The following AOPEP variants were observed in gnomAD, a reference collection of about 807,000 sequenced individuals.
The protein encoded by AOPEP is aminopeptidase O.
Under a neutral mutation model 98.1 loss-of-function variants are expected in AOPEP, and 77 were observed. The ratio of observed to expected loss-of-function variants is 0.78; its 90% CI spans 0.65 to 0.95. AOPEP has a LOEUF of 0.95. AOPEP is among the 40% of genes least tolerant of loss of function. AOPEP has a pLI of 0.00. For synonymous variants in AOPEP, 346 were observed against 365.3 expected (o/e 0.95, Z 0.60); for missense variants, 1,024 against 1,024.7 (o/e 1.00, Z 0.01).
chr9:95,059,997 T>C (rs988047646), intron 13 of AOPEP, among the ~76,000 whole-genome samples: 1 of 152,224 alleles, frequency 6.6e-6, no homozygotes, highest in Admixed American at 6.5e-5. Context: ...ACATTGTGTT[T>C]TATTTTTGTA....
intron 5 of AOPEP, among the ~76,000 whole-genome samples, chr9:94,901,622 G>A (rs2050417281): frequency 1.3e-5 from 2 of 152,144 alleles, no homozygotes; most frequent in African/African-American, 4.8e-5. Context: ...CACTTAAAAT[G>A]TGTATAATAA....
chr9:95,120,984 C>A, the AOPEP span, among the ~76,000 whole-genome samples: 1 of 152,190 alleles, frequency 6.6e-6, no homozygotes, highest in Non-Finnish European at 1.5e-5. Flanking sequence ...CTTCCAACCT[C>A]ACATGAGGGC....
At chr9:94,729,118 A>T (rs1247227819) in intron 1 of AOPEP, among the ~76,000 whole-genome samples, 1 of 152,218 alleles carries the variant, frequency 6.6e-6, no homozygotes, top group Non-Finnish European at 1.5e-5. Flanking sequence ...ATATTTATTC[A>T]GCTTTTGTTG....
At chr9:94,808,283 A>C (rs1184476596) in intron 5 of AOPEP, among the ~76,000 whole-genome samples, 1 of 152,166 alleles carries the variant, frequency 6.6e-6, no homozygotes, top group Non-Finnish European at 1.5e-5. Flanking sequence ...CAGGCAGTCC[A>C]CCTGCCTCGG....
intron 11 of AOPEP, among the ~76,000 whole-genome samples, chr9:94,991,378 G>A (rs901205456): frequency 1.3e-5 from 2 of 152,222 alleles, no homozygotes; most frequent in Non-Finnish European, 2.9e-5. Flanking sequence ...TGAGCTTGCT[G>A]TAGAATCACA....
At chr9:95,111,336 C>G in the AOPEP span, 1 of 1,597,878 alleles carries the variant, frequency 6.3e-7, no homozygotes, top group East Asian at 2.2e-5. Flanking sequence ...GTTGCCATGA[C>G]ATATGCCATC....
downstream of AOPEP, among the ~76,000 whole-genome samples, chr9:95,089,616 C>G (rs879828194): frequency 1.3e-5 from 2 of 152,216 alleles, no homozygotes; most frequent in Non-Finnish European, 2.9e-5. Context: ...TCTTGTCACA[C>G]TCAGCAGCCA....
chr9:94,757,664 A>G (rs917571038), intron 1 of AOPEP, among the ~76,000 whole-genome samples: 4 of 152,248 alleles, frequency 2.6e-5, no homozygotes, highest in African/African-American at 9.6e-5. Context: ...TAAAAATACT[A>G]AACTTTTTCT....
intron 1 of AOPEP, among the ~76,000 whole-genome samples, chr9:94,736,570 A>T (rs1367863664): frequency 2.0e-5 from 3 of 152,178 alleles, no homozygotes; most frequent in Admixed American, 1.3e-4. Flanking sequence ...AATAAATTAT[A>T]TTAGTTCTAA....
intron 4 of AOPEP, 69 bp downstream of exon 4, chr9:94,792,987 C>G: frequency 6.8e-7 from 1 of 1,463,094 alleles, no homozygotes; most frequent in Non-Finnish European, 9.3e-7. Flanking sequence ...TGATGCATTT[C>G]TTCCAAGCAC....
chr9:94,739,434 C>G (rs1325855674), intron 1 of AOPEP, among the ~76,000 whole-genome samples: 1 of 152,084 alleles, frequency 6.6e-6, no homozygotes, highest in Admixed American at 6.5e-5. Context: ...CACCTGATAT[C>G]AGGAGTTCGA....
chr9:94,942,373 G>A (rs1487362172), intron 7 of AOPEP, among the ~76,000 whole-genome samples: 1 of 152,130 alleles, frequency 6.6e-6, no homozygotes, highest in Non-Finnish European at 1.5e-5. Flanking sequence ...TTGGCCAACA[G>A]TTTTGATCTA....
intron 15 of AOPEP, 54 bp downstream of exon 15, chr9:95,080,834 C>G: frequency 8.6e-7 from 1 of 1,166,138 alleles, no homozygotes; most frequent in Non-Finnish European, 1.3e-6. Context: ...CCCTGCACTT[C>G]ACACAGGAAT....
At chr9:95,135,199 T>C in the AOPEP span, 25 of 826,592 alleles carry the variant, frequency 3.0e-5, no homozygotes, top group Admixed American at 1.1e-4. Flanking sequence ...GTTAGTGATT[T>C]CAAAAATAAA....
At chr9:94,766,986 G>A (rs1424051351) in intron 2 of AOPEP, among the ~76,000 whole-genome samples, 2 of 152,002 alleles carry the variant, frequency 1.3e-5, no homozygotes, top group African/African-American at 4.8e-5. Context: ...GTTAAAACAT[G>A]TTCTTCCTCC....
At chr9:94,991,573 C>T (rs1198569575) in intron 11 of AOPEP, among the ~76,000 whole-genome samples, 1 of 152,166 alleles carries the variant, frequency 6.6e-6, no homozygotes, top group Non-Finnish European at 1.5e-5. Context: ...CCCATCTTTG[C>T]CTTAGTTTCT....
At chr9:95,002,803 G>T (rs1463578177) in intron 11 of AOPEP, among the ~76,000 whole-genome samples, 1 of 152,200 alleles carries the variant, frequency 6.6e-6, no homozygotes, top group Non-Finnish European at 1.5e-5. Context: ...AAGCAAAGTG[G>T]TATCATTTGA....
At chr9:95,039,736 CTTCATTCA>C (rs35690560) in intron 13 of AOPEP, among the ~76,000 whole-genome samples, 75 of 150,528 alleles carry the variant, frequency 5.0e-4, no homozygotes, top group South Asian at 3.2e-3. Flanking sequence ...AGACATGTTT[CTTCATTCA>C]TTCATTCATT....
At chr9:95,135,509 G>T in the AOPEP span, 4 of 1,613,202 alleles carry the variant, frequency 2.5e-6, no homozygotes, top group Non-Finnish European at 3.4e-6. Context: ...CTTCCTTTCA[G>T]AAAGAAATAA....
Sources: gnomAD v4.1 joint callset for allele counts (sites outside exome capture counted in the v4.1 genomes callset) on GRCh38, gnomAD v4.1.1 for gene constraint, MANE v1.5 for transcripts, NCBI Gene and HGNC (gene_info 2026-07-23, HGNC 2026-07-21) for gene names.